The following ZPBP variants were observed in gnomAD, a reference collection of about 807,000 sequenced individuals.
ZPBP encodes zona pellucida binding protein.
A neutral mutation model predicts 44.8 loss-of-function variants in ZPBP; 26 were observed. The observed-to-expected ratio is 0.58, with a 90% confidence interval of 0.43 to 0.81. ZPBP has a LOEUF of 0.81. Among genes scored for constraint, ZPBP ranks in the 30% least tolerant of loss-of-function variants. The pLI is 0.00. For missense variants in ZPBP, 409 were observed against 434.0 expected, an observed-to-expected ratio of 0.94 and a Z score of 0.51; for synonymous variants, 174 against 153.2, an observed-to-expected ratio of 1.14 and a Z score of -1.00.
intron 6 of ZPBP, among the ~76,000 whole-genome samples, chr7:50,004,858 G>C (rs1321253686): frequency 1.3e-5 from 2 of 152,040 alleles, no homozygotes; most frequent in African/African-American, 2.4e-5. Context: ...AAGGTGGAGA[G>C]AGGGAAAAGG....
intron 7 of ZPBP, among the ~76,000 whole-genome samples, chr7:49,976,149 A>G (rs1209509356): frequency 6.6e-6 from 1 of 152,188 alleles, no homozygotes; most frequent in Non-Finnish European, 1.5e-5. Context: ...TACCATGATC[A>G]TATATATTTA....
chr7:50,025,577 T>A (rs1799285118), intron 5 of ZPBP, among the ~76,000 whole-genome samples: 1 of 151,802 alleles, frequency 6.6e-6, no homozygotes, highest in Non-Finnish European at 1.5e-5. Context: ...CAACTGGATA[T>A]CCACATGCAA....
intron 2 of ZPBP, among the ~76,000 whole-genome samples, chr7:49,870,394 C>T (rs761375691): frequency 7.9e-5 from 12 of 151,828 alleles, no homozygotes; most frequent in South Asian, 6.2e-4. Context: ...AGTGAGACTC[C>T]GTCTCAAAAA....
chr7:49,885,840 C>T (rs1255915825), intron 2 of ZPBP, among the ~76,000 whole-genome samples: 10 of 152,214 alleles, frequency 6.6e-5, no homozygotes, highest in Non-Finnish European at 1.0e-4. Context: ...AGCAGCTGGC[C>T]GCTGCAGCAT....
chr7:49,900,129 T>G (rs1792634678), intron 2 of ZPBP, among the ~76,000 whole-genome samples: 1 of 151,736 alleles, frequency 6.6e-6, no homozygotes, highest in South Asian at 2.1e-4. Flanking sequence ...AATAAAAATT[T>G]AGTTTATTTT....
At chr7:49,878,723 C>T (rs952218390) in intron 2 of ZPBP, among the ~76,000 whole-genome samples, 15 of 152,050 alleles carry the variant, frequency 9.9e-5, no homozygotes, top group African/African-American at 3.1e-4. Context: ...TAAAAAATTG[C>T]TCATGCACGA....
intron 7 of ZPBP, among the ~76,000 whole-genome samples, chr7:49,949,921 C>T (rs1013995733): frequency 2.6e-5 from 4 of 151,858 alleles, no homozygotes; most frequent in East Asian, 1.9e-4. Flanking sequence ...TTCTTCCACC[C>T]TACTGTTGGA....
At chr7:49,937,747 A>C (rs1163719596) in intron 7 of ZPBP, 125 bp from the exon 8 acceptor site, 4 of 756,890 alleles carry the variant, frequency 5.3e-6, no homozygotes, top group Non-Finnish European at 6.5e-6. Context: ...TTGTGCAACA[A>C]ATCTGCAGAA....
chr7:50,054,141 T>A (rs1456598820), intron 4 of ZPBP, among the ~76,000 whole-genome samples: 1 of 152,100 alleles, frequency 6.6e-6, no homozygotes, highest in Non-Finnish European at 1.5e-5. Context: ...TCCACCCACC[T>A]CGGCCTCCCA....
intron 2 of ZPBP, among the ~76,000 whole-genome samples, chr7:50,085,619 A>C (rs1802596273): frequency 6.6e-6 from 1 of 152,126 alleles, no homozygotes; most frequent in Admixed American, 6.6e-5. Flanking sequence ...AAGACCTCGT[A>C]TTAAAGGCTG....
chr7:49,965,060 C>A (rs138421949), intron 7 of ZPBP, among the ~76,000 whole-genome samples: 1 of 152,122 alleles, frequency 6.6e-6, no homozygotes, highest in East Asian at 1.9e-4. Flanking sequence ...AAAAGTCTTG[C>A]CCCAGTAAGT....
intron 1 of ZPBP, chr7:49,912,860 A>G (rs1179268612): frequency 6.6e-6 from 1 of 152,160 alleles, no homozygotes; most frequent in African/African-American, 2.4e-5. Context: ...TGTATTGTAC[A>G]CCATAGGTAA....
intron 5 of ZPBP, among the ~76,000 whole-genome samples, chr7:50,019,703 C>T (rs1252594026): frequency 1.3e-5 from 2 of 151,918 alleles, no homozygotes. Context: ...CCTTCCCAAA[C>T]CCATACATGG....
At chr7:49,849,333 C>T (rs975385030), downstream of ZPBP, among the ~76,000 whole-genome samples, 2 of 152,154 alleles carry the variant, frequency 1.3e-5, no homozygotes, top group Admixed American at 1.3e-4. Context: ...GATGAACTGG[C>T]TGGGGGCAGC....
chr7:49,904,331 T>C lies in ZPBP; in HGVS notation n.412-3116A>G, dbSNP rs545456805. Among the ~76,000 whole-genome samples the C allele has an allele frequency of 4.6e-5, 7 of 152,344 alleles. No individual in the cohort carries two copies. In the South Asian group the frequency reaches 1.2e-3, roughly 27 times the overall value. ...TATTATTCTATAATCATGTAAGCTG[T>C]AACTTTGGGAAAAAAACTGAGTGAA... is the stretch of plus-strand genomic sequence containing the variant. On this transcript the variant is annotated intron_variant and non_coding_transcript_variant, in intron 1 of 2. Transcript: ENST00000465922.
chr7:50,015,191 TA>T lies in ZPBP; in HGVS notation c.783+3048del, dbSNP rs1006726808. ...AGAAAGAAAGATAAACATATTGCAT[TA>T]AAAAAAAAAGTTTCCATGGGACAGG... On this transcript the variant is annotated intron_variant, in intron 6 of 7. Transcript: ENST00000046087. 8.8e-4 allele frequency among the ~76,000 whole-genome samples: 130 copies of T among 147,906 alleles called. 1 individual carries two copies. The East Asian group carries it at 0.017, about 20-fold the overall frequency.
At chr7:50,047,296 T>TA (rs1413510141) in intron 4 of ZPBP, among the ~76,000 whole-genome samples, 6 of 150,350 alleles carry the variant, frequency 4.0e-5, no homozygotes, top group African/African-American at 1.2e-4. Context: ...AAACTATAAT[T>TA]AAAAAAAAAG....
intron 7 of ZPBP, among the ~76,000 whole-genome samples, chr7:49,975,908 C>A (rs1407102647): frequency 1.3e-5 from 2 of 152,262 alleles, no homozygotes; most frequent in East Asian, 3.9e-4. Context: ...TTTTTGTCCC[C>A]TTTCCAACTT....
chr7:50,044,952 C>T (rs187225415), intron 4 of ZPBP, among the ~76,000 whole-genome samples: 10 of 152,280 alleles, frequency 6.6e-5, no homozygotes, highest in East Asian at 1.9e-4. Flanking sequence ...TTATCCACCA[C>T]GATCAAGTCA....
Sources: allele counts gnomAD v4.1 joint callset (sites outside exome capture counted in the v4.1 genomes callset), GRCh38; gene constraint gnomAD v4.1.1; transcripts MANE v1.5; gene names NCBI Gene and HGNC (gene_info 2026-07-23, HGNC 2026-07-21).